Variants in GRIP1 observed in about 807,000 individuals in gnomAD.
The protein encoded by GRIP1 is glutamate receptor interacting protein 1.
Under a neutral mutation model 129.9 loss-of-function variants are expected in GRIP1, and 45 were observed. The observed-to-expected ratio is 0.35, with a 90% CI of 0.27 to 0.44. The LOEUF (loss-of-function observed/expected upper bound fraction) is 0.44, where lower values mean the gene tolerates loss of function less well. Ranked by LOEUF, GRIP1 falls within the 20% of genes least tolerant of loss-of-function variation. The pLI, the probability that GRIP1 is intolerant of heterozygous loss-of-function variation, is 1.00. For missense variants in GRIP1, 1,196 were observed against 1,396.8 expected (o/e 0.86, Z 2.29); for synonymous variants, 530 against 520.8 (o/e 1.02, Z -0.24).
chr12:66,723,059 C>T (rs1322893623), intron 1 of GRIP1, among the ~76,000 whole-genome samples: 1 of 151,122 alleles, frequency 6.6e-6, no homozygotes, highest in Non-Finnish European at 1.5e-5. Flanking sequence ...CTATACTGAT[C>T]CATCAGAGCA....
chr12:67,005,931 A>G (rs1488440190), intron 1 of GRIP1, among the ~76,000 whole-genome samples: 2 of 152,220 alleles, frequency 1.3e-5, no homozygotes, highest in South Asian at 4.1e-4. Context: ...TTGACCAAGT[A>G]CAGAAAAGGA....
At chr12:66,633,323 A>C (rs2140056828) in intron 1 of GRIP1, among the ~76,000 whole-genome samples, 1 of 137,648 alleles carries the variant, frequency 7.3e-6, no homozygotes, top group Admixed American at 7.4e-5. Context: ...ACTATACTAT[A>C]TATATATAGT....
chr12:66,815,829 T>TTTCC (rs1555241768), intron 1 of GRIP1, among the ~76,000 whole-genome samples: 58 of 42,356 alleles, frequency 1.4e-3, no homozygotes, highest in Non-Finnish European at 3.2e-3. Flanking sequence ...GATTTCTTTC[T>TTTCC]TTCTTTCTTT....
chr12:66,718,382 T>C (rs1416997006), intron 1 of GRIP1, among the ~76,000 whole-genome samples: 10 of 152,152 alleles, frequency 6.6e-5, no homozygotes, highest in Admixed American at 6.6e-4. Flanking sequence ...TCTAACAATT[T>C]CAAAAATAAT....
intron 5 of GRIP1, among the ~76,000 whole-genome samples, chr12:66,527,807 G>A (rs757259117): frequency 2.0e-5 from 3 of 152,124 alleles, no homozygotes; most frequent in South Asian, 2.1e-4. Context: ...GCCTATTTGA[G>A]GGTGGAGGTT....
intron 1 of GRIP1, among the ~76,000 whole-genome samples, chr12:66,979,468 G>C (rs150840565): frequency 6.6e-6 from 1 of 151,872 alleles, no homozygotes; most frequent in Non-Finnish European, 1.5e-5. Flanking sequence ...CTGTCTTCAC[G>C]AACCCGTCAA....
chr12:66,647,164 T>C (rs2032438227), intron 1 of GRIP1, among the ~76,000 whole-genome samples: 1 of 152,184 alleles, frequency 6.6e-6, no homozygotes, highest in South Asian at 2.1e-4. Flanking sequence ...TGTAATCCTC[T>C]AAACGTTCAC....
At chr12:66,472,091 A>G (rs1337078930) in intron 7 of GRIP1, among the ~76,000 whole-genome samples, 7 of 152,254 alleles carry the variant, frequency 4.6e-5, no homozygotes. Flanking sequence ...CAGATGAATC[A>G]GCAGCAGCAT....
At chr12:66,393,128 C>G (rs1592754357) in intron 17 of GRIP1, among the ~76,000 whole-genome samples, 1 of 141,286 alleles carries the variant, frequency 7.1e-6, no homozygotes, top group Non-Finnish European at 1.5e-5. Flanking sequence ...TGTTGAATGA[C>G]AAATGTAGTG....
chr12:66,934,213 A>C (rs2041447008), intron 1 of GRIP1, among the ~76,000 whole-genome samples: 1 of 152,172 alleles, frequency 6.6e-6, no homozygotes, highest in Non-Finnish European at 1.5e-5. Context: ...TCTCAAGCAC[A>C]TCATGCAACA....
chr12:66,992,383 ATTT>A (rs11292067), intron 1 of GRIP1, among the ~76,000 whole-genome samples: 12 of 151,698 alleles, frequency 7.9e-5, no homozygotes, highest in Admixed American at 2.6e-4. Flanking sequence ...GAAAAAAAAA[ATTT>A]TTTTTTAAAT....
chr12:66,526,860 G>C (rs2061260896), intron 5 of GRIP1, among the ~76,000 whole-genome samples: 1 of 149,902 alleles, frequency 6.7e-6, no homozygotes, highest in African/African-American at 2.5e-5. Flanking sequence ...CAAAAAGTGG[G>C]TGAAGGATAT....
At chr12:66,786,143 A>G (rs765251920) in intron 1 of GRIP1, among the ~76,000 whole-genome samples, 12 of 152,204 alleles carry the variant, frequency 7.9e-5, no homozygotes, top group Non-Finnish European at 1.8e-4. Context: ...TTGTATTGAA[A>G]TTATAGCTTT....
At chr12:66,362,058 G>A (rs2054803675) in intron 23 of GRIP1, among the ~76,000 whole-genome samples, 1 of 151,906 alleles carries the variant, frequency 6.6e-6, no homozygotes, top group African/African-American at 2.4e-5. Flanking sequence ...ATTACGAAGA[G>A]GCTGGGACAA....
intron 1 of GRIP1, among the ~76,000 whole-genome samples, chr12:66,982,230 C>T (rs903994701): frequency 2.6e-5 from 4 of 152,168 alleles, no homozygotes; most frequent in Admixed American, 6.6e-5. Flanking sequence ...ATAGCAATGG[C>T]TAACAGCATA....
rs550041808 is a variant in GRIP1, at chr12:66,529,818, A to G, written c.502+13T>C. On this transcript the variant is annotated intron_variant, in intron 5 of 24. Transcript: ENST00000359742. ...TATTTTTTTTAAAGTAGATTTTTCT[A>G]ACCAACACCTACCTCGAATTACAAA... The G allele has an allele frequency of 3.7e-5, 54 of 1,448,470 alleles. No homozygotes were observed. Among genetic ancestry groups the G allele is most frequent in the Non-Finnish European group, 5.0e-5 (51 of 1,028,962 alleles). The allele number at this position is 1,448,470 out of a possible 1,614,324, so 89.7% of individuals were successfully genotyped here.
At chr12:66,512,063 G>C (rs1383469455) in intron 7 of GRIP1, among the ~76,000 whole-genome samples, 1 of 152,052 alleles carries the variant, frequency 6.6e-6, no homozygotes, top group Non-Finnish European at 1.5e-5. Context: ...TTGTCACAAT[G>C]TAAGATGTGC....
intron 1 of GRIP1, among the ~76,000 whole-genome samples, chr12:67,016,790 A>C (rs2042794972): frequency 6.6e-6 from 1 of 152,226 alleles, no homozygotes; most frequent in Non-Finnish European, 1.5e-5. Flanking sequence ...ATGTTTGTGC[A>C]TACATCATTT....
chr12:66,621,790 T>G (rs1465743268), intron 1 of GRIP1, among the ~76,000 whole-genome samples: 1 of 152,162 alleles, frequency 6.6e-6, no homozygotes, highest in Non-Finnish European at 1.5e-5. Flanking sequence ...GCCATCCTAA[T>G]GGATATAAAG....
Sources: allele counts gnomAD v4.1 joint callset (sites outside exome capture counted in the v4.1 genomes callset), GRCh38; gene constraint gnomAD v4.1.1; transcripts MANE v1.5; gene names NCBI Gene and HGNC (gene_info 2026-07-23, HGNC 2026-07-21).